The following MLXIP variants were observed in gnomAD, a reference collection of about 807,000 sequenced individuals.
The protein encoded by MLXIP is MLX-interacting protein.
In MLXIP, 30 loss-of-function variants were observed where a neutral mutation model predicts 87.2. That is an observed-to-expected ratio of 0.34 (90% confidence interval 0.26 to 0.47). The LOEUF (loss-of-function observed/expected upper bound fraction) is 0.47. Among genes scored for constraint, MLXIP ranks in the 20% least tolerant of loss-of-function variants. The pLI is 1.00. For missense variants in MLXIP, 1,002 were observed against 1,240.1 expected (o/e 0.81, Z 2.88); for synonymous variants, 530 against 514.0 (o/e 1.03, Z -0.42).
Position 122,142,201 on chromosome 12 carries a change from A to G in MLXIP, c.*389A>G. 1.4e-6 allele frequency: 1 copy of G among 701,240 alleles called. No individual in the cohort carries two copies. Among genetic ancestry groups the G allele is most frequent in the South Asian group, 1.5e-5 (1 of 66,750 alleles). The allele number at this position is 701,240 out of a possible 1,614,324, so 43.4% of individuals were successfully genotyped here. ...AGGGCCTGCTCCTGTCCTGAGGCCC[A>G]GCCTTGTCCCTCCTGCCACGTCCTG... On this transcript the variant is annotated 3_prime_UTR_variant, in exon 17 of 17. Coordinates refer to ENST00000319080, the MANE Select transcript of MLXIP (RefSeq NM_014938.6).
intron 1 of MLXIP, among the ~76,000 whole-genome samples, chr12:122,098,221 G>A (rs1306249948): frequency 6.6e-6 from 1 of 152,228 alleles, no homozygotes; most frequent in Non-Finnish European, 1.5e-5. Context: ...GCAGGGTGTG[G>A]TGTGAGAAAT....
At chr12:122,079,338 G>C in intron 1 of MLXIP, 72 bp downstream of exon 1, 1 of 1,359,522 alleles carries the variant, frequency 7.4e-7, no homozygotes, top group Admixed American at 2.2e-5. Flanking sequence ...TGGAGGGAAG[G>C]GCCGCCTGGC....
intron 1 of MLXIP, among the ~76,000 whole-genome samples, chr12:122,090,890 A>G (rs1346499360): frequency 6.6e-6 from 1 of 152,234 alleles, no homozygotes; most frequent in Non-Finnish European, 1.5e-5. Context: ...TGATCTGTTG[A>G]TGCGAAAGGC....
chr12:122,137,305 G>C lies in MLXIP; in HGVS notation c.2033-164G>C. On this transcript the variant is annotated intron_variant, in intron 11 of 16. Coordinates refer to ENST00000319080, the MANE Select transcript of MLXIP (RefSeq NM_014938.6). This position sits in a 1 kb window ranked among gnomAD's most constrained non-coding sequence, Gnocchi z 4.1. ...GTTATTAATTTAAGATTTTCAGGGA[G>C]TGAATAAGAATAATCTAAGGAAGCA... 1 of 646,994 alleles carries C rather than the reference G, an allele frequency of 1.5e-6. No homozygotes were observed. The highest frequency in any genetic ancestry group is 2.4e-6 in the Non-Finnish European group (1 of 413,852). 40.1% of individuals were successfully genotyped at this position (646,994 alleles called of 1,614,324 possible). A position where few individuals can be genotyped will look rare whatever the true frequency, so the allele number is the denominator to read the frequency against.
Position 122,141,962 on chromosome 12 carries a change from C to A in MLXIP, c.*150C>A, listed in dbSNP as rs922386676. 3 of 1,256,410 alleles carry A rather than the reference C, an allele frequency of 2.4e-6. No homozygotes were observed. Among genetic ancestry groups the A allele is most frequent in the Non-Finnish European group, 3.3e-6 (3 of 916,328 alleles). The allele number at this position is 1,256,410 out of a possible 1,614,324, so 77.8% of individuals were successfully genotyped here. A position where few individuals can be genotyped will look rare whatever the true frequency, so the allele number is the denominator to read the frequency against. The stretch of plus-strand genomic sequence containing the variant: ...CACCGTGGCATCGGGAGGCCATGCT[C>A]AGGTCTGAAGCAGGTTTGGGGCCTG... On this transcript the variant is annotated 3_prime_UTR_variant, in exon 17 of 17. Transcript: ENST00000319080.
chr12:122,139,142 G>C (rs1268365319), intron 15 of MLXIP: 2 of 346,954 alleles, frequency 5.8e-6, no homozygotes, highest in Admixed American at 6.5e-5. Flanking sequence ...GGGGCTTCAG[G>C]GTGCTTTGCA....
chr12:122,093,652 G>A, intron 1 of MLXIP, among the ~76,000 whole-genome samples: 1 of 142,090 alleles, frequency 7.0e-6, no homozygotes, highest in East Asian at 2.2e-4. Context: ...GTGTTGGTGT[G>A]TGTGTTGATA....
intron 1 of MLXIP, among the ~76,000 whole-genome samples, chr12:122,101,049 C>T (rs1022146184): frequency 2.6e-5 from 4 of 152,144 alleles, no homozygotes; most frequent in Non-Finnish European, 4.4e-5. Context: ...ATAATATATT[C>T]TCATTTTTGA....
chr12:122,126,452 G>A (rs1446120726), intron 1 of MLXIP, among the ~76,000 whole-genome samples: 4 of 152,174 alleles, frequency 2.6e-5, no homozygotes, highest in African/African-American at 9.7e-5. Flanking sequence ...GGTGTCGGGG[G>A]CAGCATCTTG....
chr12:122,087,515 T>C (rs1339543276), intron 1 of MLXIP, among the ~76,000 whole-genome samples: 1 of 152,096 alleles, frequency 6.6e-6, no homozygotes, highest in Non-Finnish European at 1.5e-5. Flanking sequence ...TCGTTCCAGG[T>C]GCGGGAAGAG....
intron 1 of MLXIP, among the ~76,000 whole-genome samples, chr12:122,104,919 C>T (rs1439679557): frequency 1.3e-5 from 2 of 152,156 alleles, no homozygotes; most frequent in African/African-American, 2.4e-5. Flanking sequence ...GCCTTCCCCC[C>T]GTGGCTCTGA....
At chr12:122,106,100 G>C (rs1952515790) in intron 1 of MLXIP, among the ~76,000 whole-genome samples, 1 of 152,226 alleles carries the variant, frequency 6.6e-6, no homozygotes. Flanking sequence ...ACTGTGGGTG[G>C]TGTTATCTCA....
At chr12:122,112,197 C>T (rs1952615121) in intron 1 of MLXIP, among the ~76,000 whole-genome samples, 1 of 152,120 alleles carries the variant, frequency 6.6e-6, no homozygotes, top group Non-Finnish European at 1.5e-5. Context: ...GAAGATGCAA[C>T]ATATGTTCAG....
intron 1 of MLXIP, among the ~76,000 whole-genome samples, chr12:122,085,324 C>T (rs1339789138): frequency 5.9e-5 from 9 of 152,134 alleles, no homozygotes; most frequent in Admixed American, 3.9e-4. Context: ...AGCTTCGGCA[C>T]ATCCTAGGAG....
In MLXIP at chr12:122,137,447, C is replaced by T. The variant is rs1953113421; in HGVS notation, c.2033-22C>T. On this transcript the variant is annotated intron_variant, in intron 11 of 16. Transcript: ENST00000319080. The surrounding 1 kb of genome is among the most constrained non-coding windows in gnomAD (Gnocchi z 4.1). ...GTTGAGGGGCCAGGCCTCCGCCCCTCAGAGGAGTCTGTTCTTACCAGGTCG... is the reference window on the plus strand; with the variant it reads ...GTTGAGGGGCCAGGCCTCCGCCCCTTAGAGGAGTCTGTTCTTACCAGGTCG... The T allele has an allele frequency of 2.5e-6, 4 of 1,609,800 alleles. No homozygotes were observed. The Middle Eastern group carries it at 5.0e-4, about 200-fold the overall frequency.
intron 1 of MLXIP, among the ~76,000 whole-genome samples, chr12:122,121,166 T>A (rs528766391): frequency 1.3e-5 from 2 of 151,944 alleles, no homozygotes; most frequent in African/African-American, 2.4e-5. Flanking sequence ...CATGCCACCA[T>A]GCCCAGCTAA....
At chr12:122,127,156 C>A in intron 1 of MLXIP, 100 bp from the exon 2 acceptor site, 1 of 895,512 alleles carries the variant, frequency 1.1e-6, no homozygotes, top group Non-Finnish European at 1.8e-6. Flanking sequence ...GGGGGTGGAT[C>A]AGTCAAGAGT....
chr12:122,086,249 A>G (rs965181934), intron 1 of MLXIP, among the ~76,000 whole-genome samples: 1 of 152,200 alleles, frequency 6.6e-6, no homozygotes, highest in Non-Finnish European at 1.5e-5. Context: ...CTGTTGTTCT[A>G]AGCCACTAAG....
chr12:122,136,993 G>A (rs1402054374), intron 11 of MLXIP: 1 of 152,112 alleles, frequency 6.6e-6, no homozygotes, highest in African/African-American at 2.4e-5. Context: ...AAGCAGAATG[G>A]GCCGAGAAGG....
Sources: gnomAD v4.1 joint callset for allele counts (sites outside exome capture counted in the v4.1 genomes callset) on GRCh38, gnomAD v4.1.1 for gene constraint, Gnocchi (gnomAD v3.1) non-coding constraint, MANE v1.5 for transcripts, NCBI Gene and HGNC (gene_info 2026-07-23, HGNC 2026-07-21) for gene names.